The following XG variants were observed in gnomAD, a reference collection of about 807,000 sequenced individuals.
XG encodes the protein Xg glycoprotein (Xg blood group).
In XG, 24 loss-of-function variants were observed where a neutral mutation model predicts 25.7. The ratio of observed to expected loss-of-function variants is 0.93; its 90% CI spans 0.68 to 1.31. The LOEUF (loss-of-function observed/expected upper bound fraction) is 1.31, where lower values mean the gene tolerates loss of function less well. Among genes scored for constraint, XG ranks in the 40% most tolerant of loss-of-function variants. XG has a pLI of 0.00. For missense variants in XG, 181 were observed against 187.6 expected (o/e 0.96, Z 0.21); for synonymous variants, 77 against 69.2 (o/e 1.11, Z -0.56).
chrX:2,763,046 C>T (rs2050599692), intron 1 of XG, among the ~76,000 whole-genome samples: 1 of 152,184 alleles, frequency 6.6e-6, no homozygotes, highest in South Asian at 2.1e-4. Flanking sequence ...TGGAGTCTTG[C>T]TCTGTCACCC....
At chrX:2,764,898 G>C (rs1229174952) in intron 1 of XG, among the ~76,000 whole-genome samples, 1 of 150,246 alleles carries the variant, frequency 6.7e-6, no homozygotes, top group Non-Finnish European at 1.5e-5. Context: ...AAAATTACCT[G>C]GGCGTAGTGG....
intron 1 of XG, among the ~76,000 whole-genome samples, chrX:2,769,749 A>G (rs1181369207): frequency 1.3e-5 from 2 of 152,206 alleles, no homozygotes; most frequent in African/African-American, 2.4e-5. Flanking sequence ...AGACACATTC[A>G]TTAGATTAAC....
At chrX:2,752,995 G>A (rs975772385) in intron 1 of XG, 20 of 985,016 alleles carry the variant, frequency 2.0e-5, no homozygotes, top group East Asian at 1.1e-4. Context: ...TTTGAACAAC[G>A]GTTGAGTAAG....
chrX:2,784,405 A>G (rs2086764084), intron 4 of XG, among the ~76,000 whole-genome samples: 1 of 109,980 alleles, frequency 9.1e-6, no homozygotes, highest in South Asian at 3.9e-4. Flanking sequence ...CAACATGGTG[A>G]AACCCCATCT....
intron 3 of XG, chrX:2,774,951 C>T (rs1188487030): frequency 1.6e-5 from 10 of 607,882 alleles, no homozygotes; most frequent in Middle Eastern, 6.0e-4. Context: ...ACTGAGATGG[C>T]TAAAATCTAA....
chrX:2,767,634 C>T (rs771839450), intron 1 of XG, among the ~76,000 whole-genome samples: 1 of 152,250 alleles, frequency 6.6e-6, no homozygotes, highest in Non-Finnish European at 1.5e-5. Context: ...CGTTGTCTAC[C>T]TGGGACATCT....
chrX:2,810,536 A>G (rs780482149), intron 9 of XG, among the ~76,000 whole-genome samples: 17 of 111,427 alleles, frequency 1.5e-4, no homozygotes, highest in Non-Finnish European at 2.8e-4. Context: ...TGTCATCCCA[A>G]CTACTCAGGA....
At position 2,781,386 on chromosome X, in the gene XG, C is replaced by T. The variant is rs752441913; in HGVS notation, c.128-680C>T. 4.6e-5 allele frequency among the ~76,000 whole-genome samples: 7 copies of T among 151,348 alleles called. No individual in the cohort carries two copies. The East Asian group carries it at 1.2e-3, about 25-fold the overall frequency. ...GGAGACAACATGAGGGTAATCACCC[C>T]GGCACCTGGACCCATTAGATTAAGT... is the stretch of plus-strand genomic sequence containing the variant. On this transcript the variant is annotated intron_variant, in intron 3 of 10. Transcript: ENST00000644266.
intron 10 of XG, among the ~76,000 whole-genome samples, chrX:2,811,720 C>T (rs1190889146): frequency 3.6e-5 from 4 of 111,468 alleles, no homozygotes; most frequent in Non-Finnish European, 7.5e-5. Flanking sequence ...CTCAGCCTCC[C>T]GAACAGCTGG....
rs201038860 is a variant in XG at position 2,787,732 on chromosome X, C to A, written c.191-1912C>A. ...GACCAGCCTGGCCAACATGGTGAAACCCTGTCTCTACTAAAAATACAAAAA... is the reference window on the plus strand; with the variant it reads ...GACCAGCCTGGCCAACATGGTGAAAACCTGTCTCTACTAAAAATACAAAAA... On this transcript the variant is annotated intron_variant, in intron 4 of 10. Coordinates refer to ENST00000644266, the MANE Select transcript of XG (RefSeq NM_001141919.2). 1.3e-4 allele frequency among the ~76,000 whole-genome samples: 14 copies of A among 110,301 alleles called. No homozygotes were observed. In the East Asian group the frequency reaches 4.0e-3, roughly 31 times the overall value.
chrX:2,761,048 A>C (rs2050554476), intron 1 of XG, among the ~76,000 whole-genome samples: 1 of 152,096 alleles, frequency 6.6e-6, no homozygotes, highest in Non-Finnish European at 1.5e-5. Context: ...GTGGACAAAC[A>C]CATTTGTATT....
chrX:2,804,244 G>A (rs2086972028), intron 7 of XG, among the ~76,000 whole-genome samples: 1 of 112,606 alleles, frequency 8.9e-6, no homozygotes, highest in African/African-American at 3.2e-5. Context: ...GCTGTGATCA[G>A]TTTTGTTTCA....
At chrX:2,791,180 G>A (rs888024611) in intron 5 of XG, among the ~76,000 whole-genome samples, 4 of 110,380 alleles carry the variant, frequency 3.6e-5, no homozygotes, top group Non-Finnish European at 7.6e-5. Flanking sequence ...TGTGTCTCAC[G>A]AACGTGAGAC....
chrX:2,788,342 G>T (rs1194950253), intron 4 of XG, among the ~76,000 whole-genome samples: 1 of 112,467 alleles, frequency 8.9e-6, no homozygotes, highest in South Asian at 3.7e-4. Flanking sequence ...CGACAAAAAG[G>T]TGCTGAAGAT....
At chrX:2,802,709 G>A in intron 7 of XG, among the ~76,000 whole-genome samples, 1 of 110,305 alleles carries the variant, frequency 9.1e-6, no homozygotes, top group East Asian at 2.8e-4. Context: ...TTTAAAAAAT[G>A]TCTCAACTTC....
At chrX:2,781,062 G>C (rs1195895411) in intron 3 of XG, among the ~76,000 whole-genome samples, 1 of 151,978 alleles carries the variant, frequency 6.6e-6, no homozygotes, top group Non-Finnish European at 1.5e-5. Flanking sequence ...GAGTGGAAGT[G>C]TCGCAGGCCA....
intron 1 of XG, among the ~76,000 whole-genome samples, chrX:2,767,905 A>G (rs996785316): frequency 1.3e-5 from 2 of 152,076 alleles, no homozygotes; most frequent in Admixed American, 1.3e-4. Flanking sequence ...GCTGTAGTGC[A>G]ACCCCTGAAA....
chrX:2,806,606 C>T, intron 7 of XG, 95 bp from the exon 8 acceptor site: 1 of 779,389 alleles, frequency 1.3e-6, no homozygotes, highest in Admixed American at 3.4e-5. Flanking sequence ...TTAAGAGCAT[C>T]TTGCTTCAGG....
chrX:2,776,731 T>G (rs962725721), intron 3 of XG, among the ~76,000 whole-genome samples: 3 of 152,192 alleles, frequency 2.0e-5, no homozygotes, highest in Admixed American at 2.0e-4. Flanking sequence ...GCCTGTAGTC[T>G]CAGCTACTTG....
Sources: gnomAD v4.1 joint callset for allele counts (sites outside exome capture counted in the v4.1 genomes callset) on GRCh38, gnomAD v4.1.1 for gene constraint, MANE v1.5 for transcripts, NCBI Gene and HGNC (gene_info 2026-07-23, HGNC 2026-07-21) for gene names.